SLC4A10: variants seen among roughly 807,000 people sequenced by gnomAD.
SLC4A10 encodes the protein solute carrier family 4 member 10, also known as sodium-driven chloride bicarbonate exchanger.
A neutral mutation model predicts 137.7 loss-of-function variants in SLC4A10; 42 were observed. The ratio of observed to expected loss-of-function variants is 0.30; its 90% confidence interval spans 0.24 to 0.39. The LOEUF is 0.39. Ranked by LOEUF, SLC4A10 falls within the 10% of genes least tolerant of loss-of-function variation. The probability of loss-of-function intolerance (pLI) is 1.00; values close to 1 mark genes in which losing one functional copy is unlikely to be tolerated. For synonymous variants in SLC4A10, 474 were observed against 464.1 expected (o/e 1.02, Z -0.27); for missense variants, 925 against 1,355.0 (o/e 0.68, Z 4.98).
intron 15 of SLC4A10, among the ~76,000 whole-genome samples, chr2:161,927,235 T>A (rs953415863): frequency 1.7e-4 from 26 of 152,218 alleles, no homozygotes; most frequent in Non-Finnish European, 2.8e-4. Context: ...TAGTCCCATA[T>A]TTCTTGGAGG....
At chr2:161,698,442 G>A (rs963152704) in intron 1 of SLC4A10, among the ~76,000 whole-genome samples, 1 of 152,194 alleles carries the variant, frequency 6.6e-6, no homozygotes, top group Admixed American at 6.5e-5. Flanking sequence ...TGGCTGTGGG[G>A]TTGTCATAAA....
At chr2:161,958,125 T>C (rs1471114599) in intron 20 of SLC4A10, among the ~76,000 whole-genome samples, 1 of 152,160 alleles carries the variant, frequency 6.6e-6, no homozygotes, top group African/African-American at 2.4e-5. Flanking sequence ...AATCCAAATA[T>C]CTTATCTTTG....
intron 19 of SLC4A10, among the ~76,000 whole-genome samples, chr2:161,953,607 CA>C (rs35310961): frequency 1.2e-3 from 168 of 142,266 alleles, no homozygotes; most frequent in Admixed American, 3.0e-3. Flanking sequence ...GACTCCGTCT[CA>C]AAAAAAAAAA....
At chr2:161,655,597 C>T (rs1240501517) in intron 1 of SLC4A10, among the ~76,000 whole-genome samples, 3 of 152,108 alleles carry the variant, frequency 2.0e-5, no homozygotes, top group Non-Finnish European at 2.9e-5. Flanking sequence ...TGAATTCTAT[C>T]AAATAGTTAA....
At chr2:161,972,870 G>C (rs1399680407) in intron 23 of SLC4A10, among the ~76,000 whole-genome samples, 4 of 152,168 alleles carry the variant, frequency 2.6e-5, no homozygotes, top group Non-Finnish European at 5.9e-5. Flanking sequence ...AATGAGATCT[G>C]CTCCCACATT....
At chr2:161,759,481 T>A (rs907910229) in intron 1 of SLC4A10, among the ~76,000 whole-genome samples, 2 of 152,022 alleles carry the variant, frequency 1.3e-5, no homozygotes, top group Non-Finnish European at 2.9e-5. Context: ...ATCTCCCCAT[T>A]TCTGCATGCT....
intron 1 of SLC4A10, among the ~76,000 whole-genome samples, chr2:161,766,760 C>G (rs992560120): frequency 1.3e-5 from 2 of 150,878 alleles, no homozygotes; most frequent in African/African-American, 2.4e-5. Flanking sequence ...GCTTTTATTG[C>G]TCTAACCAAG....
At chr2:161,914,855 A>G (rs1171902776) in intron 15 of SLC4A10, among the ~76,000 whole-genome samples, 1 of 152,172 alleles carries the variant, frequency 6.6e-6, no homozygotes, top group African/African-American at 2.4e-5. Context: ...AAATGAAGTC[A>G]TATCGATAGT....
intron 9 of SLC4A10, among the ~76,000 whole-genome samples, chr2:161,881,419 A>G (rs1239188200): frequency 6.6e-6 from 1 of 152,000 alleles, no homozygotes; most frequent in African/African-American, 2.4e-5. Flanking sequence ...CACACACAAA[A>G]AATATTGTCA....
intron 2 of SLC4A10, among the ~76,000 whole-genome samples, chr2:161,774,608 A>C (rs569039911): frequency 1.3e-5 from 2 of 151,912 alleles, no homozygotes; most frequent in South Asian, 4.1e-4. Context: ...GTTTTACTGA[A>C]TGAGTACAAC....
chr2:161,904,967 T>C (rs747755118), intron 14 of SLC4A10, 58 bp downstream of exon 14: 21 of 1,551,182 alleles, frequency 1.4e-5, no homozygotes, highest in Non-Finnish European at 1.8e-5. Flanking sequence ...ACTGTATTTA[T>C]ACTTCTCCCA....
chr2:161,654,634 A>C (rs1450159807), intron 1 of SLC4A10, among the ~76,000 whole-genome samples: 1 of 152,228 alleles, frequency 6.6e-6, no homozygotes, highest in African/African-American at 2.4e-5. Context: ...TGAAGAGGCT[A>C]TTCTTTCCCT....
At position 161,983,772 on chromosome 2, in the gene SLC4A10, A is replaced by T. The variant is rs1284700629; in HGVS notation, c.*620A>T. 2.6e-5 allele frequency: 4 copies of T among 152,312 alleles called. No homozygotes were observed. Among genetic ancestry groups the T allele is most frequent in the Non-Finnish European group, 5.9e-5 (4 of 68,100 alleles). The allele number at this position is 152,312 out of a possible 1,614,324, so 9.4% of individuals were successfully genotyped here. On this transcript the variant is annotated 3_prime_UTR_variant, in exon 27 of 27. Transcript: ENST00000446997. Reference sequence around the variant, plus strand: ...TGATAAATTTAATACTTAACAATTTATATGTAACTAAAACTTAAAGTCATT... The same window carrying T: ...TGATAAATTTAATACTTAACAATTTTTATGTAACTAAAACTTAAAGTCATT...
At chr2:161,917,853 A>G (rs896608938) in intron 15 of SLC4A10, among the ~76,000 whole-genome samples, 7 of 152,196 alleles carry the variant, frequency 4.6e-5, no homozygotes, top group African/African-American at 1.7e-4. Context: ...GGCACAAAGT[A>G]GGTGTTCAAT....
intron 2 of SLC4A10, among the ~76,000 whole-genome samples, chr2:161,786,759 T>C (rs1245049184): frequency 6.6e-6 from 1 of 151,756 alleles, no homozygotes; most frequent in Non-Finnish European, 1.5e-5. Context: ...TATGAGCTTT[T>C]ATGACAGGAG....
In SLC4A10 at chr2:161,777,206, T is replaced by C. The variant is rs550758958; in HGVS notation, c.130+6152T>C. 4.3e-4 allele frequency among the ~76,000 whole-genome samples: 66 copies of C among 151,956 alleles called. 1 individual carries two copies. The highest frequency in any genetic ancestry group is 8.5e-4 in the Non-Finnish European group (58 of 67,890). ...TTTAATTATTATAGGTTAACATGGC[T>C]GTTTTATTGTTATTGAGTTGTAGGA... On this transcript the variant is annotated intron_variant, in intron 2 of 26. Transcript: ENST00000446997.
intron 2 of SLC4A10, among the ~76,000 whole-genome samples, chr2:161,784,760 G>T (rs1240999130): frequency 6.6e-6 from 1 of 150,852 alleles, no homozygotes; most frequent in African/African-American, 2.4e-5. Context: ...ACTATTAAAA[G>T]ATAAGTTTAT....
intron 6 of SLC4A10, among the ~76,000 whole-genome samples, chr2:161,865,832 T>C (rs1211602586): frequency 6.6e-6 from 1 of 152,030 alleles, no homozygotes; most frequent in Non-Finnish European, 1.5e-5. Context: ...GTTTTAAATA[T>C]GCAATCAAGA....
intron 19 of SLC4A10, among the ~76,000 whole-genome samples, chr2:161,951,166 C>T (rs568008983): frequency 2.2e-4 from 34 of 152,264 alleles, no homozygotes; most frequent in African/African-American, 3.1e-4. Flanking sequence ...TACAACCATA[C>T]CAACTTGTCT....
Sources: allele counts gnomAD v4.1 joint callset (sites outside exome capture counted in the v4.1 genomes callset), GRCh38; gene constraint gnomAD v4.1.1; transcripts MANE v1.5; gene names NCBI Gene and HGNC (gene_info 2026-07-23, HGNC 2026-07-21).